LHCGR: variants seen among roughly 807,000 people sequenced by gnomAD.
The protein encoded by LHCGR is luteinizing hormone/choriogonadotropin receptor, also known as lutropin-choriogonadotropic hormone receptor.
A neutral mutation model predicts 60.7 loss-of-function variants in LHCGR; 55 were observed. That is an observed-to-expected ratio of 0.91 (90% CI 0.73 to 1.13). The LOEUF (loss-of-function observed/expected upper bound fraction) is 1.13, where lower values mean the gene tolerates loss of function less well. LHCGR is among the 50% of genes most tolerant of loss of function. LHCGR has a pLI of 0.00. For missense variants in LHCGR, 862 were observed against 836.0 expected (o/e 1.03, Z -0.38); for synonymous variants, 337 against 316.5 (o/e 1.06, Z -0.69).
chr2:48,734,211 A>G (rs1325938162), intron 1 of LHCGR, among the ~76,000 whole-genome samples: 1 of 152,206 alleles, frequency 6.6e-6, no homozygotes, highest in Non-Finnish European at 1.5e-5. Flanking sequence ...ACAGAGTAGC[A>G]TGGGTGGATC....
At chr2:48,724,522 C>T (rs981606736) in intron 4 of LHCGR, among the ~76,000 whole-genome samples, 2 of 152,196 alleles carry the variant, frequency 1.3e-5, no homozygotes, top group Non-Finnish European at 2.9e-5. Flanking sequence ...AAGCCCAGGT[C>T]ACACTGGATC....
chr2:48,723,965 A>G (rs982709631), intron 4 of LHCGR, among the ~76,000 whole-genome samples: 1 of 152,102 alleles, frequency 6.6e-6, no homozygotes, highest in East Asian at 1.9e-4. Flanking sequence ...GGTCTTTTTC[A>G]TTTATATTTG....
intron 6 of LHCGR, among the ~76,000 whole-genome samples, chr2:48,717,542 CTTA>C (rs34793365): frequency 4.0e-5 from 6 of 150,968 alleles, no homozygotes; most frequent in Admixed American, 6.6e-5. Context: ...ATGTGTTGAT[CTTA>C]TTATTATTAT....
At position 48,698,602 on chromosome 2, in the gene LHCGR, G is replaced by T. The variant is rs757785374; in HGVS notation, c.866+13C>A. The T allele has an allele frequency of 5.0e-6, 8 of 1,609,654 alleles. No individual in the cohort carries two copies. The highest frequency in any genetic ancestry group is 4.4e-5 in the South Asian group (4 of 90,956). ...ACAGCTTGGGTAGGCTTTACCTTTTGGTTTCTACTTACTCTTTTGTTGGCA... is the reference window on the plus strand; with the variant it reads ...ACAGCTTGGGTAGGCTTTACCTTTTTGTTTCTACTTACTCTTTTGTTGGCA... On this transcript the variant is annotated intron_variant, in intron 9 of 10. Transcript: ENST00000294954.
Position 48,688,193 on chromosome 2 carries a change from T to C in LHCGR, c.1604A>G (p.Asn535Ser), listed in dbSNP as rs1400826383. The C allele has an allele frequency of 1.2e-5, 19 of 1,614,060 alleles. No individual in the cohort carries two copies. The highest frequency in any genetic ancestry group is 2.2e-5 in the East Asian group (1 of 44,896). The change falls in exon 11 of 11, where the codon AAT becomes AGT. Residue 535 changes from asparagine (N) to serine (S), a missense_variant. By Grantham distance (46) the Asn-to-Ser change is conservative. Transcript: ENST00000294954. The surrounding 1 kb of genome is among the most constrained non-coding windows in gnomAD (Gnocchi z 5.2). ...ACAAATTATGAAGAAGGCCACCACATTGAGAATCAGGATGGTTAATATATA... is the reference window on the plus strand; with the variant it reads ...ACAAATTATGAAGAAGGCCACCACACTGAGAATCAGGATGGTTAATATATA... ...QVYILTILIL[N>S]VVAFFIICAC...
chr2:48,755,008 C>A (rs1232624629), intron 1 of LHCGR, among the ~76,000 whole-genome samples: 2 of 152,072 alleles, frequency 1.3e-5, no homozygotes, highest in Non-Finnish European at 2.9e-5. Context: ...CACTAAGATG[C>A]CCGTGTGACT....
At chr2:48,708,782 AC>A in intron 8 of LHCGR, 165 bp downstream of exon 8, 1 of 709,854 alleles carries the variant, frequency 1.4e-6, no homozygotes, top group Non-Finnish European at 2.6e-6. Flanking sequence ...GGTTTGGGGT[AC>A]TTTATTATGG....
At chr2:48,746,466 A>G (rs1669710113) in intron 1 of LHCGR, among the ~76,000 whole-genome samples, 1 of 152,186 alleles carries the variant, frequency 6.6e-6, no homozygotes, top group Non-Finnish European at 1.5e-5. Context: ...CTAGAGAGCC[A>G]CTCTGCAGAT....
At chr2:48,737,772 T>A (rs2103664444) in intron 1 of LHCGR, among the ~76,000 whole-genome samples, 1 of 152,278 alleles carries the variant, frequency 6.6e-6, no homozygotes, top group African/African-American at 2.4e-5. Context: ...TACATCCAGG[T>A]GGTTTTGATT....
chr2:48,711,150 G>T (rs903762365), intron 7 of LHCGR, among the ~76,000 whole-genome samples: 3 of 152,124 alleles, frequency 2.0e-5, no homozygotes, highest in African/African-American at 7.2e-5. Context: ...TGGAATCCTT[G>T]TCATCCTTCA....
chr2:48,708,082 A>G (rs1182291354), intron 8 of LHCGR, among the ~76,000 whole-genome samples: 4 of 152,158 alleles, frequency 2.6e-5, no homozygotes, highest in Admixed American at 6.5e-5. Context: ...TCAGTTGGAA[A>G]TGCAGAAATC....
At chr2:48,745,045 A>G (rs1669635425) in intron 1 of LHCGR, among the ~76,000 whole-genome samples, 1 of 152,234 alleles carries the variant, frequency 6.6e-6, no homozygotes, top group Non-Finnish European at 1.5e-5. Flanking sequence ...GGACATGAAC[A>G]GACACTTCTC....
chr2:48,722,828 A>T (rs149790050), intron 6 of LHCGR, among the ~76,000 whole-genome samples: 32 of 152,332 alleles, frequency 2.1e-4, no homozygotes, highest in African/African-American at 7.7e-4. Flanking sequence ...CTCTCAGAAG[A>T]TGCTGAAGAT....
intron 10 of LHCGR, 142 bp downstream of exon 10, chr2:48,694,082 T>C (rs1275110917): frequency 4.6e-6 from 3 of 651,196 alleles, no homozygotes; most frequent in Non-Finnish European, 8.3e-6. Flanking sequence ...AAAGAAAAAA[T>C]TCCCATTTTA....
At chr2:48,696,699 T>C (rs1667130541) in intron 9 of LHCGR, among the ~76,000 whole-genome samples, 1 of 152,212 alleles carries the variant, frequency 6.6e-6, no homozygotes, top group South Asian at 2.1e-4. Context: ...TGAGGAAGGA[T>C]AAATGAGGCA....
chr2:48,708,972 C>T lies in LHCGR; in HGVS notation c.656G>A (p.Arg219His), dbSNP rs182707541. Residue 219 changes from arginine (R) to histidine (H), a missense_variant, in exon 8 of 11, where the codon CGT becomes CAT. By Grantham distance (29) the Arg-to-His change is conservative. Coordinates refer to ENST00000294954, the MANE Select transcript of LHCGR (RefSeq NM_000233.4). Reference protein sequence around the residue: ...HLEKMHNGAFRGATGPKTLDI... With the variant: ...HLEKMHNGAFHGATGPKTLDI... ...CAAGGTTTTCGGCCCTGTGGCCCCA[C>T]GGAAGGCTCCATTGTGCATCTTCTC... is the stretch of plus-strand genomic sequence containing the variant. 3.2e-5 allele frequency: 52 copies of T among 1,614,160 alleles called. No homozygotes were observed. The East Asian group carries it at 1.0e-3, about 31-fold the overall frequency.
At chr2:48,717,775 A>G (rs1668319447) in intron 6 of LHCGR, among the ~76,000 whole-genome samples, 1 of 151,660 alleles carries the variant, frequency 6.6e-6, no homozygotes, top group African/African-American at 2.4e-5. Context: ...AAGGCTCTCA[A>G]ACACCTTTGG....
At chr2:48,754,595 A>ACCCCCCCC (rs1188141991) in intron 1 of LHCGR, among the ~76,000 whole-genome samples, 1 of 148,316 alleles carries the variant, frequency 6.7e-6, no homozygotes, top group Non-Finnish European at 1.5e-5. Context: ...AAATTTCACC[A>ACCCCCCCC]CCCCCCCGCC....
chr2:48,709,811 C>T (rs182553418), intron 7 of LHCGR, among the ~76,000 whole-genome samples: 1 of 152,134 alleles, frequency 6.6e-6, no homozygotes, highest in African/African-American at 2.4e-5. Context: ...CTTTCTGGGC[C>T]CTGACACTGG....
Sources: gnomAD v4.1 joint callset for allele counts (sites outside exome capture counted in the v4.1 genomes callset) on GRCh38, gnomAD v4.1.1 for gene constraint, Gnocchi (gnomAD v3.1) non-coding constraint, MANE v1.5 for transcripts, NCBI Gene and HGNC (gene_info 2026-07-23, HGNC 2026-07-21) for gene names.